Variants in ANKLE2 observed in about 807,000 individuals in gnomAD.
ANKLE2 encodes ankyrin repeat and LEM domain containing 2.
Under a neutral mutation model 84.2 loss-of-function variants are expected in ANKLE2, and 55 were observed. That is an observed-to-expected ratio of 0.65 (90% confidence interval 0.53 to 0.82). The LOEUF is 0.82. ANKLE2 is among the 40% of genes least tolerant of loss of function. ANKLE2 has a pLI of 0.00. For synonymous variants in ANKLE2, 551 were observed against 486.1 expected, an observed-to-expected ratio of 1.13 and a Z score of -1.76; for missense variants, 1,238 against 1,201.9, an observed-to-expected ratio of 1.03 and a Z score of -0.44.
intron 12 of ANKLE2, 51 bp from the exon 13 acceptor site, chr12:132,727,494 G>A: frequency 6.5e-7 from 1 of 1,544,470 alleles, no homozygotes; most frequent in Non-Finnish European, 8.8e-7. Flanking sequence ...GCCCGGAGAT[G>A]AACAGCAAAA....
intron 9 of ANKLE2, chr12:132,735,168 A>C (rs1191053672): frequency 1.8e-6 from 1 of 546,228 alleles, no homozygotes; most frequent in East Asian, 3.2e-5. Context: ...ACCAACAAGG[A>C]ATTCCAATTA....
chr12:132,737,013 G>A lies in ANKLE2; in HGVS notation c.1473C>T (p.Ile491=), dbSNP rs368882497. ...LRAEETSSPV[I]GELWSPDQTA... ...TCTGGTCTGGGGACCACAGCTCCCC[G>A]ATGACTGGAGAAGAAGTCTCTTCCG... Residue 491 remains isoleucine (I), a synonymous_variant, in exon 8 of 13, where the codon ATC becomes ATT. Transcript: ENST00000357997. The A allele has an allele frequency of 4.5e-5, 73 of 1,612,862 alleles. No individual in the cohort carries two copies. Among genetic ancestry groups the A allele is most frequent in the Middle Eastern group, 1.7e-4 (1 of 6,056 alleles).
rs139160336 is a variant in ANKLE2, at chr12:132,753,319, C to G, written c.640+1356G>C. On this transcript the variant is annotated intron_variant, in intron 2 of 12. Coordinates refer to ENST00000357997, the MANE Select transcript of ANKLE2 (RefSeq NM_015114.3). ...ACCTGGGTGAGAGAGAGACCCCAGT[C>G]TCAAAAAAAAAAACCACCAAAAACA... Among the ~76,000 whole-genome samples the G allele has an allele frequency of 4.1e-3, 616 of 150,986 alleles. 5 individuals carry two copies. Among genetic ancestry groups the G allele is most frequent in the African/African-American group, 0.014 (584 of 41,268 alleles).
At chr12:132,742,778 CA>C (rs2044155270) in intron 6 of ANKLE2, among the ~76,000 whole-genome samples, 2 of 151,752 alleles carry the variant, frequency 1.3e-5, no homozygotes, top group African/African-American at 2.4e-5. Flanking sequence ...CCATCATCCT[CA>C]CTACCACCAT....
intron 10 of ANKLE2, chr12:132,734,182 T>G (rs1593145917): frequency 1.6e-6 from 1 of 616,220 alleles, no homozygotes; most frequent in East Asian, 3.0e-5. Flanking sequence ...GAGGTGGAGG[T>G]TGCAGTGAGC....
Position 132,734,578 on chromosome 12 carries a change from G to A in ANKLE2, c.1701-3C>T, listed in dbSNP as rs1348188720. The A allele has an allele frequency of 6.3e-7, 1 of 1,599,328 alleles. No homozygotes were observed. The highest frequency in any genetic ancestry group is 1.1e-5 in the South Asian group (1 of 88,926). On this transcript the variant is annotated splice_polypyrimidine_tract_variant and splice_region_variant and intron_variant, in intron 9 of 12. Coordinates refer to ENST00000357997, the MANE Select transcript of ANKLE2 (RefSeq NM_015114.3). ...ACCCCAGCTCATGAGCTAGCTCCCTGTAAGAAACAAAACACAATTAACCAG... is the reference window on the plus strand; with the variant it reads ...ACCCCAGCTCATGAGCTAGCTCCCTATAAGAAACAAAACACAATTAACCAG...
At position 132,735,414 on chromosome 12, in the gene ANKLE2, T is replaced by C. The variant is rs757670710; in HGVS notation, c.1692A>G (p.Arg564=). ...GCTCAGCCTTTCAGTACCTTCCCAC[T>C]CTCTCAAAGCCTCTTTCCGGGTCCG... ...KKSDPERGFE[R]VGRELAHELG... The change falls in exon 9 of 13, where the codon AGA becomes AGG. Residue 564 remains arginine, a synonymous_variant. Coordinates refer to ENST00000357997, the MANE Select transcript of ANKLE2 (RefSeq NM_015114.3). 7 of 1,614,004 alleles carry C rather than the reference T, an allele frequency of 4.3e-6. No individual in the cohort carries two copies. In the Admixed American group the frequency reaches 1.0e-4, roughly 23 times the overall value.
chr12:132,734,306 A>C, intron 10 of ANKLE2, 79 bp downstream of exon 10: 2 of 1,452,228 alleles, frequency 1.4e-6, no homozygotes, highest in Non-Finnish European at 1.9e-6. Flanking sequence ...AGAGACGAGA[A>C]ACAGATGTGC....
At chr12:132,751,384 T>C (rs976038575) in intron 2 of ANKLE2, 2 of 153,102 alleles carry the variant, frequency 1.3e-5, no homozygotes, top group East Asian at 1.9e-4. Context: ...GCTGGGATTA[T>C]GGGCATCCGC....
At chr12:132,727,523 C>T in intron 12 of ANKLE2, 80 bp from the exon 13 acceptor site, 1 of 1,196,008 alleles carries the variant, frequency 8.4e-7, no homozygotes, top group Non-Finnish European at 1.1e-6. Context: ...ATAATGGCCC[C>T]AGACTCAGGC....
intron 9 of ANKLE2, 155 bp downstream of exon 9, chr12:132,735,251 C>T (rs2043984180): frequency 1.4e-6 from 1 of 695,500 alleles, no homozygotes; most frequent in African/African-American, 1.8e-5. Flanking sequence ...AATTCCACAA[C>T]ATCCACAAGG....
chr12:132,737,154 T>C lies in ANKLE2; in HGVS notation c.1421-89A>G, dbSNP rs140901283. On this transcript the variant is annotated intron_variant, in intron 7 of 12. Transcript: ENST00000357997. ...GCAGGACGGGGATCACGCGAGCCCTTGCCAAGGCCTCTGCAAATGGATCCA... is the reference window on the plus strand; with the variant it reads ...GCAGGACGGGGATCACGCGAGCCCTCGCCAAGGCCTCTGCAAATGGATCCA... 186 of 1,408,048 alleles carry C rather than the reference T, an allele frequency of 1.3e-4. No individual in the cohort carries two copies. In the African/African-American group the frequency reaches 2.2e-3, roughly 16 times the overall value. 87.2% of individuals were successfully genotyped at this position (1,408,048 alleles called of 1,614,324 possible). A position where few individuals can be genotyped will look rare whatever the true frequency, so the allele number is the denominator to read the frequency against.
Position 132,743,321 on chromosome 12 carries a change from A to ATGAGGT in ANKLE2, c.1231-51_1231-46dup, listed in dbSNP as rs1324538648. The ATGAGGT allele has an allele frequency of 1.3e-6, 2 of 1,549,094 alleles. No homozygotes were observed. Among genetic ancestry groups the ATGAGGT allele is most frequent in the Non-Finnish European group, 1.7e-6 (2 of 1,145,764 alleles). ...AAGTACAATTATTCACACTTGTCTC[A>ATGAGGT]TGAGGTTGCTCTAAGGTGAAAATAC... On this transcript the variant is annotated intron_variant, in intron 5 of 12. Transcript: ENST00000357997. The surrounding 1 kb of genome is among the most constrained non-coding windows in gnomAD (Gnocchi z 4.1).
At chr12:132,752,850 A>C (rs976602540) in intron 2 of ANKLE2, among the ~76,000 whole-genome samples, 1 of 151,946 alleles carries the variant, frequency 6.6e-6, no homozygotes, top group East Asian at 1.9e-4. Flanking sequence ...TCCAATGCTA[A>C]ATCTTCTTTA....
At chr12:132,739,625 G>A (rs1351316843) in intron 7 of ANKLE2, among the ~76,000 whole-genome samples, 1 of 152,180 alleles carries the variant, frequency 6.6e-6, no homozygotes, top group Non-Finnish European at 1.5e-5. Context: ...CACGGTCTCT[G>A]GACAGTTTTG....
chr12:132,739,884 G>C (rs933213655), intron 7 of ANKLE2, among the ~76,000 whole-genome samples: 1 of 151,866 alleles, frequency 6.6e-6, no homozygotes, highest in Non-Finnish European at 1.5e-5. Context: ...AGCTCTGGAG[G>C]TGCCGTGTAG....
At chr12:132,728,825 AG>A (rs2043763731) in intron 11 of ANKLE2, among the ~76,000 whole-genome samples, 1 of 152,120 alleles carries the variant, frequency 6.6e-6, no homozygotes, top group East Asian at 1.9e-4. Flanking sequence ...GAGGGTGCTC[AG>A]TACCAGAAGG....
chr12:132,756,544 A>G (rs2044488481), intron 1 of ANKLE2: 1 of 151,052 alleles, frequency 6.6e-6, no homozygotes, highest in African/African-American at 2.4e-5. Flanking sequence ...CAACAACAAC[A>G]AAAAAAAAGA....
intron 6 of ANKLE2, chr12:132,742,222 A>C (rs76678324): frequency 9.3e-4 from 126 of 135,460 alleles, no homozygotes; most frequent in Middle Eastern, 7.7e-3. Context: ...CACACACACA[A>C]AAAGAATCAC....
Sources: gnomAD v4.1 joint callset for allele counts (sites outside exome capture counted in the v4.1 genomes callset) on GRCh38, gnomAD v4.1.1 for gene constraint, Gnocchi (gnomAD v3.1) non-coding constraint, MANE v1.5 for transcripts, NCBI Gene and HGNC (gene_info 2026-07-23, HGNC 2026-07-21) for gene names.